MTMR2: variants seen among roughly 807,000 people sequenced by gnomAD.
MTMR2 encodes the protein myotubularin related protein 2, also known as phosphatidylinositol-3,5-bisphosphate 3-phosphatase MTMR2.
A neutral mutation model predicts 86.9 loss-of-function variants in MTMR2; 55 were observed. That is an observed-to-expected ratio of 0.63 (90% confidence interval 0.51 to 0.79). The LOEUF (loss-of-function observed/expected upper bound fraction) is 0.79. Among genes scored for constraint, MTMR2 ranks in the 30% least tolerant of loss-of-function variants. MTMR2 has a pLI of 0.00. For missense variants in MTMR2, 659 were observed against 772.3 expected (o/e 0.85, Z 1.74); for synonymous variants, 241 against 266.8 (o/e 0.90, Z 0.94).
At position 95,870,628 on chromosome 11, in the gene MTMR2, A is replaced by G. The variant is rs1208271414; in HGVS notation, c.187-4952T>C. On this transcript the variant is annotated intron_variant, in intron 2 of 14. Coordinates refer to ENST00000346299, the MANE Select transcript of MTMR2 (RefSeq NM_016156.6). Reference sequence around the variant, plus strand: ...AGATATGTCAGCAATGGGAGAAGAGAGAAAGCAGATTCAATGAATAAATGA... The same window carrying G: ...AGATATGTCAGCAATGGGAGAAGAGGGAAAGCAGATTCAATGAATAAATGA... Among the ~76,000 whole-genome samples, 6 of 152,030 alleles carry G rather than the reference A, an allele frequency of 3.9e-5. No homozygotes were observed. In the South Asian group the frequency reaches 1.0e-3, roughly 26 times the overall value.
At chr11:95,903,976 G>A (rs749815867) in intron 1 of MTMR2, among the ~76,000 whole-genome samples, 3 of 152,014 alleles carry the variant, frequency 2.0e-5, no homozygotes, top group Non-Finnish European at 4.4e-5. Flanking sequence ...TTAGCCAGGC[G>A]TGGTGGCACA....
intron 2 of MTMR2, among the ~76,000 whole-genome samples, chr11:95,866,727 G>T (rs887688948): frequency 6.8e-6 from 1 of 147,804 alleles, no homozygotes; most frequent in Non-Finnish European, 1.5e-5. Context: ...AGTCATAAAA[G>T]AAGAGAAGAA....
In MTMR2 at chr11:95,851,031, G is replaced by GA. The variant is rs36142511; in HGVS notation, c.655-283dup. Among the ~76,000 whole-genome samples the GA allele has an allele frequency of 0.28, 41,219 of 149,286 alleles. 6,941 individuals are homozygous for GA. Among genetic ancestry groups the GA allele is most frequent in the Non-Finnish European group, 0.38 (25,701 of 67,646 alleles). ...GCTAAGCATATTCAGGAGGTGGAAG[G>GA]AAACAGTAAGACTTCAAATATTCCT... On this transcript the variant is annotated intron_variant, in intron 7 of 14. Coordinates refer to ENST00000346299, the MANE Select transcript of MTMR2 (RefSeq NM_016156.6).
intron 1 of MTMR2, among the ~76,000 whole-genome samples, chr11:95,916,090 T>G (rs966411239): frequency 2.6e-5 from 4 of 152,188 alleles, no homozygotes; most frequent in African/African-American, 9.6e-5. Flanking sequence ...GTTTTCTATT[T>G]TGGTCATCGC....
intron 2 of MTMR2, among the ~76,000 whole-genome samples, chr11:95,881,967 G>A (rs1186364180): frequency 2.6e-5 from 4 of 152,008 alleles, no homozygotes; most frequent in East Asian, 1.9e-4. Flanking sequence ...ACCCTTTATC[G>A]GGCTAAGGTT....
chr11:95,853,148 AT>A (rs922684283), intron 7 of MTMR2, among the ~76,000 whole-genome samples: 13 of 150,030 alleles, frequency 8.7e-5, no homozygotes, highest in African/African-American at 2.9e-4. Flanking sequence ...ATACTTATAT[AT>A]TTTTTTCACA....
intron 3 of MTMR2, among the ~76,000 whole-genome samples, chr11:95,863,933 C>A (rs1427017864): frequency 1.3e-5 from 2 of 152,106 alleles, no homozygotes; most frequent in African/African-American, 4.8e-5. Context: ...TTCTTAGACA[C>A]TGACTGGATG....
At chr11:95,838,601 A>G (rs913330845) in intron 12 of MTMR2, among the ~76,000 whole-genome samples, 3 of 152,094 alleles carry the variant, frequency 2.0e-5, no homozygotes, top group African/African-American at 4.8e-5. Context: ...AATGTCAGCA[A>G]TACACAAAAG....
intron 1 of MTMR2, among the ~76,000 whole-genome samples, chr11:95,909,586 G>A (rs1045549785): frequency 1.3e-5 from 2 of 152,036 alleles, no homozygotes; most frequent in Non-Finnish European, 2.9e-5. Flanking sequence ...AAAGGCCTCA[G>A]CCATCTTCCC....
In MTMR2 at chr11:95,862,257, T is replaced by G. The variant is rs2135475730; in HGVS notation, c.357+15A>C. Reference sequence around the variant, plus strand: ...ACACACTCATGTACATACAAAAATCTAATCTGACTCTTACCCGTTCCATGC... The same window carrying G: ...ACACACTCATGTACATACAAAAATCGAATCTGACTCTTACCCGTTCCATGC... On this transcript the variant is annotated intron_variant, in intron 4 of 14. Coordinates refer to ENST00000346299, the MANE Select transcript of MTMR2 (RefSeq NM_016156.6). 1.3e-6 allele frequency: 2 copies of G among 1,588,006 alleles called. No individual in the cohort carries two copies. The highest frequency in any genetic ancestry group is 1.1e-5 in the South Asian group (1 of 90,930).
At chr11:95,836,422 CT>C (rs754673845) in intron 13 of MTMR2, 98 bp from the exon 14 acceptor site, 33 of 1,186,064 alleles carry the variant, frequency 2.8e-5, no homozygotes, top group Non-Finnish European at 4.9e-6. Flanking sequence ...ATTAAAATCT[CT>C]TTAGAGGAAG....
chr11:95,878,664 T>C (rs1865212118), intron 2 of MTMR2, among the ~76,000 whole-genome samples: 1 of 152,106 alleles, frequency 6.6e-6, no homozygotes. Flanking sequence ...CTACATTTTG[T>C]CCTGTCTCAT....
rs892940935 is a variant in MTMR2, at chr11:95,923,813, A to G, written c.80+62T>C. ...CCGCGAATTGGGGCAACAATCCAGC[A>G]GGTCCCCGGCCCCTCTCCATCCCCT... On this transcript the variant is annotated intron_variant, in intron 1 of 14. Transcript: ENST00000346299. 5.2e-6 allele frequency: 8 copies of G among 1,528,424 alleles called. No individual in the cohort carries two copies. The African/African-American group carries it at 8.3e-5, about 16-fold the overall frequency. 94.7% of individuals were successfully genotyped at this position (1,528,424 alleles called of 1,614,324 possible). A position where few individuals can be genotyped will look rare whatever the true frequency, so the allele number is the denominator to read the frequency against.
At chr11:95,866,152 G>C (rs1452955705) in intron 2 of MTMR2, among the ~76,000 whole-genome samples, 1 of 152,098 alleles carries the variant, frequency 6.6e-6, no homozygotes, top group African/African-American at 2.4e-5. Context: ...TTAATGTTTA[G>C]AGAATTTAGA....
At chr11:95,861,703 C>T (rs539677935) in intron 5 of MTMR2, among the ~76,000 whole-genome samples, 4 of 152,050 alleles carry the variant, frequency 2.6e-5, no homozygotes, top group African/African-American at 9.6e-5. Context: ...GGATTATAGG[C>T]GTGAGCCACC....
intron 2 of MTMR2, among the ~76,000 whole-genome samples, chr11:95,868,676 G>T (rs1389011404): frequency 6.6e-6 from 1 of 151,854 alleles, no homozygotes; most frequent in Non-Finnish European, 1.5e-5. Context: ...CAAAATCAAT[G>T]AACAGAGACA....
chr11:95,913,936 A>T (rs1009049604), intron 1 of MTMR2, among the ~76,000 whole-genome samples: 9 of 152,170 alleles, frequency 5.9e-5, no homozygotes, highest in African/African-American at 2.2e-4. Flanking sequence ...ATATAACATG[A>T]ATTCTTGTCA....
Position 95,841,723 on chromosome 11 carries a change from A to T in MTMR2, c.1387-14T>A. On this transcript the variant is annotated splice_polypyrimidine_tract_variant and intron_variant, in intron 11 of 14. Coordinates refer to ENST00000346299, the MANE Select transcript of MTMR2 (RefSeq NM_016156.6). ...ATGGCCAACTCTCTGAAGCAAAAAG[A>T]GTGAAATATATGAACTTAGGGGGAT... is the stretch of plus-strand genomic sequence containing the variant. 1 of 1,551,314 alleles carries T rather than the reference A, an allele frequency of 6.4e-7. No homozygotes were observed. The highest frequency in any genetic ancestry group is 8.9e-7 in the Non-Finnish European group (1 of 1,125,824).
chr11:95,885,410 A>C (rs998928041), intron 2 of MTMR2, among the ~76,000 whole-genome samples: 2 of 152,106 alleles, frequency 1.3e-5, no homozygotes, highest in Admixed American at 6.6e-5. Context: ...TGATTCTAGA[A>C]CTGAGGGAGG....
Sources: gnomAD v4.1 joint callset for allele counts (sites outside exome capture counted in the v4.1 genomes callset) on GRCh38, gnomAD v4.1.1 for gene constraint, MANE v1.5 for transcripts, NCBI Gene and HGNC (gene_info 2026-07-23, HGNC 2026-07-21) for gene names.